Variants in ASXL3 observed in about 807,000 individuals in gnomAD.
ASXL3 encodes the protein putative Polycomb group protein ASXL3.
Under a neutral mutation model 170.6 loss-of-function variants are expected in ASXL3, and 34 were observed. The ratio of observed to expected loss-of-function variants is 0.20; its 90% CI spans 0.15 to 0.27. The LOEUF (loss-of-function observed/expected upper bound fraction) is 0.27. Among genes scored for constraint, ASXL3 ranks in the 10% least tolerant of loss-of-function variants. The pLI, the probability that ASXL3 is intolerant of heterozygous loss-of-function variation, is 1.00. For synonymous variants in ASXL3, 1,002 were observed against 989.1 expected, an observed-to-expected ratio of 1.01 and a Z score of -0.24; for missense variants, 2,592 against 2,695.3, an observed-to-expected ratio of 0.96 and a Z score of 0.85.
In ASXL3 at chr18:33,740,389, C is replaced by T. The variant is rs2067642237; in HGVS notation, c.2985C>T (p.Ser995=). The T allele has an allele frequency of 6.2e-7, 1 of 1,604,988 alleles. No individual in the cohort carries two copies. The highest frequency in any genetic ancestry group is 8.5e-7 in the Non-Finnish European group (1 of 1,176,924). ...DQSTRNISSS[S]PPEKEQPPRE... Reference sequence around the variant, plus strand: ...CAACCCGGAACATATCATCTAGCAGCCCACCTGAGAAAGAACAGCCTCCCA... The same window carrying T: ...CAACCCGGAACATATCATCTAGCAGTCCACCTGAGAAAGAACAGCCTCCCA... Residue 995 remains serine, a synonymous_variant, in exon 11 of 12, where the codon AGC becomes AGT. Coordinates refer to ENST00000269197, the MANE Select transcript of ASXL3 (RefSeq NM_030632.3).
chr18:33,683,650 A>G, intron 8 of ASXL3, 82 bp downstream of exon 8: 1 of 1,291,656 alleles, frequency 7.7e-7, no homozygotes, highest in Non-Finnish European at 1.0e-6. Context: ...AAGATGACTT[A>G]TATATGGATA....
intron 4 of ASXL3, among the ~76,000 whole-genome samples, chr18:33,647,238 C>T (rs571265057): frequency 1.3e-5 from 2 of 152,072 alleles, no homozygotes; most frequent in South Asian, 4.2e-4. Context: ...CTTTGTTTGT[C>T]CTCTGCATGC....
At chr18:33,639,534 A>C (rs921270830) in intron 2 of ASXL3, among the ~76,000 whole-genome samples, 2 of 152,036 alleles carry the variant, frequency 1.3e-5, no homozygotes, top group African/African-American at 4.8e-5. Flanking sequence ...ATTTTAGTTG[A>C]GGGTCTTTGA....
At chr18:33,632,643 A>G (rs991879634) in intron 2 of ASXL3, among the ~76,000 whole-genome samples, 2 of 152,200 alleles carry the variant, frequency 1.3e-5, no homozygotes, top group Non-Finnish European at 2.9e-5. Flanking sequence ...AGCAACAAGA[A>G]AAAACCAGCC....
chr18:33,744,015 C>A lies in ASXL3; in HGVS notation c.4167C>A (p.Thr1389=), dbSNP rs760527563. 6.2e-7 allele frequency: 1 copy of A among 1,614,004 alleles called. No individual in the cohort carries two copies. The highest frequency in any genetic ancestry group is 8.5e-7 in the Non-Finnish European group (1 of 1,179,892). ...SEEQATVSMG[T]TVRAALSCSD... is the part of the protein sequence containing the mutation. ...AACAGGCCACTGTATCCATGGGTAC[C>A]ACTGTGAGAGCAGCCCTCAGCTGCA... Residue 1389 remains threonine, a synonymous_variant, in exon 12 of 12, where the codon ACC becomes ACA. Coordinates refer to ENST00000269197, the MANE Select transcript of ASXL3 (RefSeq NM_030632.3).
chr18:33,670,185 C>T (rs1161653594), intron 5 of ASXL3, among the ~76,000 whole-genome samples: 3 of 152,192 alleles, frequency 2.0e-5, no homozygotes, highest in Admixed American at 6.5e-5. Flanking sequence ...CTCCCCATGG[C>T]TGAGTGAGTG....
intron 1 of ASXL3, among the ~76,000 whole-genome samples, chr18:33,600,455 G>T (rs542930005): frequency 1.3e-5 from 2 of 152,188 alleles, no homozygotes; most frequent in Admixed American, 6.6e-5. Flanking sequence ...GCTCTTAAGA[G>T]AATAGACTGC....
intron 8 of ASXL3, among the ~76,000 whole-genome samples, chr18:33,725,590 G>T (rs570981804): frequency 6.6e-6 from 1 of 152,120 alleles, no homozygotes; most frequent in Non-Finnish European, 1.5e-5. Flanking sequence ...CACTTTATTT[G>T]CTAATCATTC....
intron 10 of ASXL3, among the ~76,000 whole-genome samples, chr18:33,735,231 C>A (rs2067524028): frequency 6.6e-6 from 1 of 152,138 alleles, no homozygotes; most frequent in African/African-American, 2.4e-5. Flanking sequence ...GATCTCATTT[C>A]ACAAAATTAC....
At chr18:33,605,378 C>G (rs1389849859) in intron 1 of ASXL3, 1 of 152,046 alleles carries the variant, frequency 6.6e-6, no homozygotes, top group African/African-American at 2.4e-5. Context: ...ACAGCTCAAT[C>G]AATAAAGCTT....
chr18:33,716,008 C>G (rs913469509), intron 8 of ASXL3, among the ~76,000 whole-genome samples: 2 of 152,148 alleles, frequency 1.3e-5, no homozygotes, highest in Non-Finnish European at 2.9e-5. Context: ...TCATGTCAAG[C>G]AGCATTTGAA....
chr18:33,579,552 GA>G (rs1403620461), intron 1 of ASXL3, among the ~76,000 whole-genome samples: 1 of 152,198 alleles, frequency 6.6e-6, no homozygotes, highest in African/African-American at 2.4e-5. Flanking sequence ...CCGGTTGGCA[GA>G]GGGGCGTCGG....
At chr18:33,588,213 G>A (rs2065049932) in intron 1 of ASXL3, among the ~76,000 whole-genome samples, 2 of 152,056 alleles carry the variant, frequency 1.3e-5, no homozygotes, top group Non-Finnish European at 2.9e-5. Flanking sequence ...TAGCTTATGG[G>A]TTGGGGATGA....
At chr18:33,712,275 A>C (rs1042922442) in intron 8 of ASXL3, among the ~76,000 whole-genome samples, 1 of 152,226 alleles carries the variant, frequency 6.6e-6, no homozygotes, top group African/African-American at 2.4e-5. Context: ...GAGAATATGA[A>C]TGATGGTATT....
chr18:33,684,533 G>T (rs994434400), intron 8 of ASXL3, among the ~76,000 whole-genome samples: 11 of 152,018 alleles, frequency 7.2e-5, no homozygotes, highest in Non-Finnish European at 1.2e-4. Context: ...CTCTTTGGTG[G>T]TGATTATTGT....
intron 8 of ASXL3, among the ~76,000 whole-genome samples, chr18:33,708,436 A>G (rs1209002305): frequency 6.6e-6 from 1 of 152,218 alleles, no homozygotes; most frequent in East Asian, 1.9e-4. Context: ...AACCATTATC[A>G]AAATCAAAAT....
At position 33,744,538 on chromosome 18, in the gene ASXL3, C is replaced by T. The variant is rs2067733930; in HGVS notation, c.4690C>T (p.Leu1564Phe). The T allele has an allele frequency of 1.2e-6, 2 of 1,611,988 alleles. No homozygotes were observed. The highest frequency in any genetic ancestry group is 1.7e-5 in the Admixed American group (1 of 59,894). Residue 1564 changes from leucine (L) to phenylalanine (F), a missense_variant, in exon 12 of 12, where the codon CTT (leucine) becomes TTT (phenylalanine). By Grantham distance (22) the Leu-to-Phe change is conservative (BLOSUM62 0). Around this residue, in one of 4 missense-constraint regions of ASXL3, gnomAD observed 2,246 missense variants for 2,219.6 expected, o/e 1.01. Coordinates refer to ENST00000269197, the MANE Select transcript of ASXL3 (RefSeq NM_030632.3). Reference sequence around the variant, plus strand: ...CTGCACAAGTCTCCGAGAATTACCCCTTGTTCCAGATAAATTAAATGAGCC... The same window carrying T: ...CTGCACAAGTCTCCGAGAATTACCCTTTGTTCCAGATAAATTAAATGAGCC... ...ATCTSLRELP[L>F]VPDKLNEPTA...
Position 33,734,423 on chromosome 18 carries a change from C to CTAGAG in ASXL3, c.1082+11_1082+15dup, listed in dbSNP as rs1356720295. The CTAGAG allele has an allele frequency of 1.3e-6, 2 of 1,535,066 alleles. No individual in the cohort carries two copies. The highest frequency in any genetic ancestry group is 8.9e-7 in the Non-Finnish European group (1 of 1,123,808). ...GAGGTTTTATGGAGAAAAGTAAGTA[C>CTAGAG]TAGAGTATTTTTTCTCATTTCTCTG... On this transcript the variant is annotated intron_variant, in intron 10 of 11. Coordinates refer to ENST00000269197, the MANE Select transcript of ASXL3 (RefSeq NM_030632.3).
In ASXL3 at chr18:33,745,748, T is replaced by C; in HGVS notation, c.5900T>C (p.Leu1967Pro). 6.2e-7 allele frequency: 1 copy of C among 1,613,980 alleles called. No homozygotes were observed. Among genetic ancestry groups the C allele is most frequent in the Non-Finnish European group, 8.5e-7 (1 of 1,179,870 alleles). The change falls in exon 12 of 12, where the codon CTT becomes CCT. Residue 1967 changes from leucine (L) to proline (P), a missense_variant. Leu to Pro is a moderately conservative substitution (Grantham distance 98). Coordinates refer to ENST00000269197, the MANE Select transcript of ASXL3 (RefSeq NM_030632.3). Reference sequence around the variant, plus strand: ...AATGCATTTGCCTTCAACAGGCATCTTGAACAGAAGGGATTGGGAGAGGTT... The same window carrying C: ...AATGCATTTGCCTTCAACAGGCATCCTGAACAGAAGGGATTGGGAGAGGTT... ...GCNAFAFNRHLEQKGLGEVSL... is the reference protein window; with the variant it reads ...GCNAFAFNRHPEQKGLGEVSL...
Sources: allele counts gnomAD v4.1 joint callset (sites outside exome capture counted in the v4.1 genomes callset), GRCh38; gene constraint gnomAD v4.1.1; regional missense constraint gnomAD v4.1.1; transcripts MANE v1.5; gene names NCBI Gene and HGNC (gene_info 2026-07-23, HGNC 2026-07-21).